CCDC171: variants seen among roughly 807,000 people sequenced by gnomAD.
CCDC171 encodes coiled-coil domain-containing protein 171.
CCDC171 carries 177 observed loss-of-function variants against 168.2 expected under a neutral mutation model. The ratio of observed to expected loss-of-function variants is 1.05; its 90% CI spans 0.93 to 1.19. The LOEUF (loss-of-function observed/expected upper bound fraction) is 1.19. Ranked by LOEUF, CCDC171 falls within the 50% of genes most tolerant of loss-of-function variation. The probability of loss-of-function intolerance (pLI) is 0.00; values close to 1 mark genes in which losing one functional copy is unlikely to be tolerated. For synonymous variants in CCDC171, 687 were observed against 540.8 expected, an observed-to-expected ratio of 1.27 and a Z score of -3.75; for missense variants, 1,991 against 1,539.0, an observed-to-expected ratio of 1.29 and a Z score of -4.91.
At chr9:15,887,067 T>A (rs78849125) in intron 24 of CCDC171, among the ~76,000 whole-genome samples, 3,364 of 152,194 alleles carry the variant, frequency 0.022, 131 homozygotes, top group African/African-American at 0.077. Flanking sequence ...TGCTATATAA[T>A]GCATTGTGTA....
intron 24 of CCDC171, among the ~76,000 whole-genome samples, chr9:15,898,215 C>T (rs1410094725): frequency 1.3e-5 from 2 of 152,172 alleles, no homozygotes; most frequent in Non-Finnish European, 2.9e-5. Flanking sequence ...TTGGTAAGAG[C>T]ATAGGCTTTA....
chr9:15,865,797 G>A (rs2061754453), intron 23 of CCDC171, among the ~76,000 whole-genome samples: 1 of 151,164 alleles, frequency 6.6e-6, no homozygotes, highest in African/African-American at 2.4e-5. Context: ...TTTCAACTCT[G>A]TGGGGGTTGG....
In CCDC171 at chr9:15,727,905, T is replaced by G; in HGVS notation, c.1729T>G (p.Leu577Val). ...CTTCCTTCACACCTTATATCAGCAC[T>G]TGGTAGCAGGCTGTGTGCTCATAAA... ...LTFLHTLYQH[L>V]VAGCVLIKQP... Residue 577 changes from leucine (L) to valine (V), a missense_variant, in exon 15 of 26, where the codon TTG becomes GTG. Transcript: ENST00000380701. 6.2e-7 allele frequency: 1 copy of G among 1,613,196 alleles called. No homozygotes were observed. Among genetic ancestry groups the G allele is most frequent in the Non-Finnish European group, 8.5e-7 (1 of 1,179,520 alleles).
chr9:15,957,389 G>T (rs1286597566), intron 25 of CCDC171, among the ~76,000 whole-genome samples: 1 of 152,142 alleles, frequency 6.6e-6, no homozygotes, highest in East Asian at 1.9e-4. Flanking sequence ...CCGCAGACTG[G>T]AACACAGTTA....
At chr9:15,630,046 A>G (rs1213173692) in intron 7 of CCDC171, among the ~76,000 whole-genome samples, 2 of 152,248 alleles carry the variant, frequency 1.3e-5, no homozygotes, top group Admixed American at 6.5e-5. Flanking sequence ...ATGGAAAGGA[A>G]CAACCGGTAC....
chr9:15,756,110 G>T (rs1419551355), intron 18 of CCDC171, among the ~76,000 whole-genome samples: 1 of 152,016 alleles, frequency 6.6e-6, no homozygotes, highest in Non-Finnish European at 1.5e-5. Context: ...GGTTATTCCT[G>T]GCTGGCTAGC....
At chr9:15,671,880 G>A (rs567208679) in intron 9 of CCDC171, among the ~76,000 whole-genome samples, 5 of 152,176 alleles carry the variant, frequency 3.3e-5, no homozygotes, top group South Asian at 2.1e-4. Context: ...TAATGGGATC[G>A]CTGCGTCAAG....
At chr9:15,599,338 G>C (rs1472030234) in intron 6 of CCDC171, among the ~76,000 whole-genome samples, 1 of 152,118 alleles carries the variant, frequency 6.6e-6, no homozygotes, top group Non-Finnish European at 1.5e-5. Flanking sequence ...TTTTAGGGCA[G>C]GCCTGGTGGT....
At position 15,816,401 on chromosome 9, in the gene CCDC171, C is replaced by T. The variant is rs1197907803; in HGVS notation, c.3268-30301C>T. ...AATCTCATTATCACTCACATATAAA[C>T]ATTATTAATATTTTGGCAAATAAAA... On this transcript the variant is annotated intron_variant, in intron 21 of 25. Coordinates refer to ENST00000380701, the MANE Select transcript of CCDC171 (RefSeq NM_173550.4). Among the ~76,000 whole-genome samples the T allele has an allele frequency of 1.7e-5, 2 of 118,482 alleles. 1 individual carries two copies. The highest frequency in any genetic ancestry group is 3.8e-5 in the Non-Finnish European group (2 of 52,528). The allele number at this position is 118,482 out of a possible 152,430, so 77.7% of individuals were successfully genotyped here.
chr9:15,556,133 G>A (rs747318033), intron 1 of CCDC171, among the ~76,000 whole-genome samples: 6 of 152,216 alleles, frequency 3.9e-5, no homozygotes, highest in South Asian at 2.1e-4. Flanking sequence ...GAATGGTGCC[G>A]CAATAAACAT....
At chr9:15,712,915 G>C (rs1188621497) in intron 11 of CCDC171, among the ~76,000 whole-genome samples, 1 of 152,166 alleles carries the variant, frequency 6.6e-6, no homozygotes, top group Non-Finnish European at 1.5e-5. Context: ...AAAAACATTG[G>C]TTGATATCCA....
intron 25 of CCDC171, among the ~76,000 whole-genome samples, chr9:15,970,705 T>C (rs1831264065): frequency 6.6e-6 from 1 of 152,222 alleles, no homozygotes; most frequent in Non-Finnish European, 1.5e-5. Flanking sequence ...TCCAACAATT[T>C]CTGGATACCA....
At chr9:16,040,107 A>G (rs1000012147), upstream of CCDC171, among the ~76,000 whole-genome samples, 2 of 152,172 alleles carry the variant, frequency 1.3e-5, no homozygotes, top group Non-Finnish European at 2.9e-5. Flanking sequence ...GGTGAGGGCC[A>G]GCTGGGTGCC....
the CCDC171 span, among the ~76,000 whole-genome samples, chr9:16,086,334 G>T: frequency 2.0e-5 from 3 of 150,572 alleles, no homozygotes; most frequent in East Asian, 3.9e-4. Context: ...TTGAGATGGG[G>T]TCTTGCTCTG....
chr9:15,730,935 G>A (rs925018120), intron 16 of CCDC171, among the ~76,000 whole-genome samples: 1 of 151,916 alleles, frequency 6.6e-6, no homozygotes, highest in South Asian at 2.1e-4. Context: ...TTTTTAAAAA[G>A]TATTTATTTG....
At chr9:15,801,881 A>G (rs909555894) in intron 21 of CCDC171, among the ~76,000 whole-genome samples, 1 of 152,052 alleles carries the variant, frequency 6.6e-6, no homozygotes, top group Non-Finnish European at 1.5e-5. Context: ...TGAAATGATT[A>G]TATGGTTTTT....
Position 15,729,783 on chromosome 9 carries a change from G to T in CCDC171, c.2034G>T (p.Val678=). 1 of 1,609,222 alleles carries T rather than the reference G, an allele frequency of 6.2e-7. No homozygotes were observed. Among genetic ancestry groups the T allele is most frequent in the South Asian group, 1.1e-5 (1 of 90,422 alleles). The change falls in exon 16 of 26, where the codon GTG becomes GTT. Residue 678 remains valine (V), a synonymous_variant. Transcript: ENST00000380701. ...AGTATTCTGAACTCTTCCTGGAGGT[G>T]CAGAAGAGGGCACAGGTATGCTACC... is the stretch of plus-strand genomic sequence containing the variant. ...ELQYSELFLE[V]QKRAQKFQEI...
chr9:15,935,587 A>G (rs1213937854), intron 25 of CCDC171, among the ~76,000 whole-genome samples: 5 of 152,218 alleles, frequency 3.3e-5, no homozygotes, highest in Admixed American at 1.3e-4. Context: ...ATTAGCATAT[A>G]ATATAAATGT....
intron 23 of CCDC171, among the ~76,000 whole-genome samples, chr9:15,860,961 T>TGTGA (rs1472834545): frequency 1.3e-5 from 2 of 151,558 alleles, no homozygotes; most frequent in Admixed American, 6.6e-5. Context: ...TGTGTGTGTG[T>TGTGA]GATAATTGTT....
Sources: gnomAD v4.1 joint callset for allele counts (sites outside exome capture counted in the v4.1 genomes callset) on GRCh38, gnomAD v4.1.1 for gene constraint, MANE v1.5 for transcripts, NCBI Gene and HGNC (gene_info 2026-07-23, HGNC 2026-07-21) for gene names.